The following SPON1 variants were observed in gnomAD, a reference collection of about 807,000 sequenced individuals.
SPON1 encodes the protein spondin-1.
Under a neutral mutation model 111.7 loss-of-function variants are expected in SPON1, and 52 were observed. That is an observed-to-expected ratio of 0.47 (90% CI 0.37 to 0.59). The LOEUF is 0.59. Ranked by LOEUF, SPON1 falls within the 20% of genes least tolerant of loss-of-function variation. The pLI is 0.00. For missense variants in SPON1, 957 were observed against 1,068.5 expected, an observed-to-expected ratio of 0.90 and a Z score of 1.46; for synonymous variants, 410 against 395.8, an observed-to-expected ratio of 1.04 and a Z score of -0.43.
chr11:14,103,169 G>T (rs1253053084), intron 5 of SPON1, among the ~76,000 whole-genome samples: 1 of 152,120 alleles, frequency 6.6e-6, no homozygotes, highest in Non-Finnish European at 1.5e-5. Context: ...TCTTCTGTTT[G>T]CTTTCTTCTA....
intron 1 of SPON1, among the ~76,000 whole-genome samples, chr11:13,974,658 G>T (rs993249956): frequency 6.6e-6 from 1 of 152,144 alleles, no homozygotes; most frequent in Admixed American, 6.5e-5. Context: ...GCAGGCCTTT[G>T]TTACTGATGT....
At chr11:14,230,453 G>A (rs187491904) in intron 6 of SPON1, among the ~76,000 whole-genome samples, 5 of 152,152 alleles carry the variant, frequency 3.3e-5, no homozygotes, top group Non-Finnish European at 7.3e-5. Flanking sequence ...TGAAACTGCC[G>A]TTACTTTAAA....
rs1847928474 is a variant in SPON1, at chr11:14,160,839, ATATT to A, written c.825+25275_825+25278del. On this transcript the variant is annotated intron_variant, in intron 6 of 15. Coordinates refer to ENST00000576479, the MANE Select transcript of SPON1 (RefSeq NM_006108.4). ...TTATATATATTTTATATATATTTAT[ATATT>A]TATATATTTATATATATTTATATAT... Among the ~76,000 whole-genome samples, 50 of 50,572 alleles carry A rather than the reference ATATT, an allele frequency of 9.9e-4. 2 individuals carry two copies. Among genetic ancestry groups the A allele is most frequent in the East Asian group, 1.6e-3 (2 of 1,252 alleles). 33.2% of individuals were successfully genotyped at this position (50,572 alleles called of 152,430 possible).
At chr11:14,262,486 CA>C in intron 14 of SPON1, 1 of 593,198 alleles carries the variant, frequency 1.7e-6, no homozygotes, top group Non-Finnish European at 3.0e-6. Context: ...ATAGAGGGAG[CA>C]TAGAATGGGT....
At chr11:14,192,713 AG>A (rs1848360015) in intron 6 of SPON1, among the ~76,000 whole-genome samples, 1 of 151,962 alleles carries the variant, frequency 6.6e-6, no homozygotes, top group African/African-American at 2.4e-5. Flanking sequence ...GACAAGGCTT[AG>A]GAGTGAGGTG....
chr11:14,264,180 G>A (rs1488639797), intron 15 of SPON1, among the ~76,000 whole-genome samples: 2 of 152,186 alleles, frequency 1.3e-5, no homozygotes, highest in Non-Finnish European at 2.9e-5. Flanking sequence ...AAGGCAGGCA[G>A]GAAACCAGGC....
intron 7 of SPON1, among the ~76,000 whole-genome samples, chr11:14,252,703 CAG>C (rs1564941741): frequency 1.3e-5 from 2 of 151,354 alleles, no homozygotes; most frequent in African/African-American, 2.4e-5. Context: ...AAGACCTGCG[CAG>C]AGTGTGGGAA....
chr11:14,056,743 T>A (rs537575407), intron 3 of SPON1, among the ~76,000 whole-genome samples: 1 of 151,738 alleles, frequency 6.6e-6, no homozygotes, highest in African/African-American at 2.4e-5. Context: ...ACAAAAAAAT[T>A]AGCCAGGCGT....
chr11:14,024,706 A>G (rs1848505338), intron 2 of SPON1, among the ~76,000 whole-genome samples: 3 of 152,182 alleles, frequency 2.0e-5, no homozygotes, highest in Admixed American at 6.5e-5. Context: ...GGGCACAAAA[A>G]CAAGAGTGCC....
At chr11:14,213,487 T>A (rs1288583758) in intron 6 of SPON1, among the ~76,000 whole-genome samples, 1 of 151,962 alleles carries the variant, frequency 6.6e-6, no homozygotes, top group Non-Finnish European at 1.5e-5. Context: ...TAAAGAAAAA[T>A]GCACTATTAA....
At chr11:14,050,670 G>T (rs1000247789) in intron 3 of SPON1, among the ~76,000 whole-genome samples, 9 of 152,108 alleles carry the variant, frequency 5.9e-5, no homozygotes, top group East Asian at 1.9e-4. Flanking sequence ...AGTGAAGGGT[G>T]GGGGTGGTGA....
chr11:14,132,860 G>T (rs1456573708), intron 5 of SPON1, among the ~76,000 whole-genome samples: 5 of 152,148 alleles, frequency 3.3e-5, no homozygotes, highest in African/African-American at 1.2e-4. Flanking sequence ...ACTGTCTATT[G>T]TGTGCCAGTA....
Position 14,203,969 on chromosome 11 carries a change from G to T in SPON1, c.826-39363G>T, listed in dbSNP as rs140378272. ...AGCAGGGAAGTCCAAAATCCATAATGCTCAGGTACAAAGTAATGAAACCAG... is the reference window on the plus strand; with the variant it reads ...AGCAGGGAAGTCCAAAATCCATAATTCTCAGGTACAAAGTAATGAAACCAG... On this transcript the variant is annotated intron_variant, in intron 6 of 15. Coordinates refer to ENST00000576479, the MANE Select transcript of SPON1 (RefSeq NM_006108.4). Among the ~76,000 whole-genome samples the T allele has an allele frequency of 3.9e-5, 6 of 152,316 alleles. No individual in the cohort carries two copies. The East Asian group carries it at 9.6e-4, about 24-fold the overall frequency.
Position 14,041,504 on chromosome 11 carries a change from C to G in SPON1, c.346-17C>G, listed in dbSNP as rs1554917263. The G allele has an allele frequency of 8.7e-6, 14 of 1,612,906 alleles. No homozygotes were observed. The highest frequency in any genetic ancestry group is 1.2e-5 in the Non-Finnish European group (14 of 1,179,224). ...AAATGATGTTGCATGTATTTATTTCCCACTGGTTTTCCGTAGATCATAGAC... is the reference window on the plus strand; with the variant it reads ...AAATGATGTTGCATGTATTTATTTCGCACTGGTTTTCCGTAGATCATAGAC... On this transcript the variant is annotated splice_polypyrimidine_tract_variant and intron_variant, in intron 2 of 15. Transcript: ENST00000576479.
rs189176883 is a variant in SPON1, at chr11:14,164,569, G to C, written c.825+29001G>C. 4.2e-4 allele frequency among the ~76,000 whole-genome samples: 64 copies of C among 152,246 alleles called. 1 individual carries two copies. The highest frequency in any genetic ancestry group is 2.9e-4 in the Non-Finnish European group (20 of 68,030). The stretch of plus-strand genomic sequence containing the variant: ...AAGCTACGATATTTGAGGTTTCTCA[G>C]TTATATGCAGTCAAACCTAATCCTA... On this transcript the variant is annotated intron_variant, in intron 6 of 15. Coordinates refer to ENST00000576479, the MANE Select transcript of SPON1 (RefSeq NM_006108.4).
intron 6 of SPON1, among the ~76,000 whole-genome samples, chr11:14,148,734 T>C (rs1847753870): frequency 6.6e-6 from 1 of 152,210 alleles, no homozygotes; most frequent in Non-Finnish European, 1.5e-5. Flanking sequence ...AGAAGAGACA[T>C]AGGCAGCCCT....
chr11:14,140,074 T>A (rs1038478425), intron 6 of SPON1, among the ~76,000 whole-genome samples: 1 of 152,140 alleles, frequency 6.6e-6, no homozygotes, highest in Non-Finnish European at 1.5e-5. Flanking sequence ...TACATGACTA[T>A]TTCCATAGAA....
chr11:14,162,261 GA>G (rs1320888193), intron 6 of SPON1, among the ~76,000 whole-genome samples: 24 of 152,212 alleles, frequency 1.6e-4, no homozygotes, highest in African/African-American at 5.8e-4. Flanking sequence ...AGAGAGGGGG[GA>G]AACACTAACC....
At chr11:14,146,252 C>T (rs10766147) in intron 6 of SPON1, among the ~76,000 whole-genome samples, 59,067 of 150,760 alleles carry the variant, frequency 0.39, 11,770 homozygotes, top group East Asian at 0.54. Flanking sequence ...CAGGTTCAAG[C>T]AATTCTCCTG....
Sources: gnomAD v4.1 joint callset for allele counts (sites outside exome capture counted in the v4.1 genomes callset) on GRCh38, gnomAD v4.1.1 for gene constraint, MANE v1.5 for transcripts, NCBI Gene and HGNC (gene_info 2026-07-23, HGNC 2026-07-21) for gene names.